MYT1L: variants seen among roughly 807,000 people sequenced by gnomAD.
MYT1L encodes the protein myelin transcription factor 1 like.
A neutral mutation model predicts 126.7 loss-of-function variants in MYT1L; 12 were observed. That is an observed-to-expected ratio of 0.09 (90% CI 0.06 to 0.15). The LOEUF (loss-of-function observed/expected upper bound fraction) is 0.15, where lower values mean the gene tolerates loss of function less well. Among genes scored for constraint, MYT1L ranks in the 10% least tolerant of loss-of-function variants. The pLI is 1.00. For missense variants in MYT1L, 979 were observed against 1,585.2 expected (o/e 0.62, Z 6.49); for synonymous variants, 541 against 604.2 (o/e 0.90, Z 1.53).
chr2:2,156,741 C>T (rs552334467), intron 3 of MYT1L, among the ~76,000 whole-genome samples: 15 of 152,240 alleles, frequency 9.9e-5, no homozygotes, highest in Admixed American at 3.9e-4. Flanking sequence ...CAATGGCCTC[C>T]GGGGCCCCAG....
At chr2:2,305,434 T>G (rs1227266376) in intron 1 of MYT1L, among the ~76,000 whole-genome samples, 1 of 152,216 alleles carries the variant, frequency 6.6e-6, no homozygotes, top group African/African-American at 2.4e-5. Flanking sequence ...TAACTTGTAT[T>G]AAATACTAAA....
chr2:2,074,978 A>T (rs1335189261), intron 3 of MYT1L, among the ~76,000 whole-genome samples: 1 of 152,214 alleles, frequency 6.6e-6, no homozygotes, highest in African/African-American at 2.4e-5. Context: ...TAGACGAATC[A>T]CAACCTTACA....
At chr2:1,978,316 T>A (rs992312080) in intron 8 of MYT1L, among the ~76,000 whole-genome samples, 7 of 152,228 alleles carry the variant, frequency 4.6e-5, no homozygotes, top group African/African-American at 1.7e-4. Context: ...TGGAATGACC[T>A]TGGTCTTTGC....
intron 14 of MYT1L, among the ~76,000 whole-genome samples, chr2:1,897,931 C>T (rs917221272): frequency 1.3e-5 from 2 of 152,164 alleles, no homozygotes; most frequent in Non-Finnish European, 2.9e-5. Context: ...CTTAAACCAT[C>T]CTAAAAATAC....
intron 21 of MYT1L, among the ~76,000 whole-genome samples, chr2:1,815,119 G>A (rs991230764): frequency 2.6e-5 from 4 of 152,190 alleles, no homozygotes; most frequent in African/African-American, 9.6e-5. Context: ...CAGATGTCAG[G>A]ATAGCCAGGC....
intron 3 of MYT1L, among the ~76,000 whole-genome samples, chr2:2,143,745 A>T (rs928593438): frequency 1.3e-5 from 2 of 152,124 alleles, no homozygotes; most frequent in African/African-American, 4.8e-5. Context: ...ACTTGGTCTG[A>T]TTTAAAATGC....
intron 4 of MYT1L, among the ~76,000 whole-genome samples, chr2:2,004,209 G>C (rs68087472): frequency 1.0e-5 from 1 of 95,794 alleles, no homozygotes; most frequent in Non-Finnish European, 2.0e-5. Flanking sequence ...TTTCCTGAAT[G>C]TGTTCTTTCC....
intron 3 of MYT1L, among the ~76,000 whole-genome samples, chr2:2,083,263 C>G (rs916757484): frequency 2.0e-5 from 3 of 152,238 alleles, no homozygotes; most frequent in Non-Finnish European, 2.9e-5. Context: ...GCAAATCCCC[C>G]ACTCAGCTCT....
At chr2:2,222,374 C>A (rs1308204493) in intron 2 of MYT1L, among the ~76,000 whole-genome samples, 2 of 148,036 alleles carry the variant, frequency 1.4e-5, no homozygotes, top group Non-Finnish European at 3.0e-5. Context: ...CACCCGTGAT[C>A]CCAGCTACTT....
intron 10 of MYT1L, among the ~76,000 whole-genome samples, chr2:1,920,370 A>C: frequency 6.6e-6 from 1 of 152,236 alleles, no homozygotes; most frequent in Non-Finnish European, 1.5e-5. Flanking sequence ...AAAGGGACCA[A>C]GAAACCAAAG....
chr2:2,121,356 T>C (rs1001041503), intron 3 of MYT1L, among the ~76,000 whole-genome samples: 2 of 151,946 alleles, frequency 1.3e-5, no homozygotes, highest in Non-Finnish European at 2.9e-5. Context: ...TTTGTATTTT[T>C]AGTAGAGACG....
At chr2:2,154,771 CCT>C (rs1336705610) in intron 3 of MYT1L, among the ~76,000 whole-genome samples, 4 of 152,112 alleles carry the variant, frequency 2.6e-5, no homozygotes, top group Non-Finnish European at 5.9e-5. Context: ...ACAACAAACC[CCT>C]GTGACACGAG....
intron 3 of MYT1L, among the ~76,000 whole-genome samples, chr2:2,087,710 C>T (rs535156727): frequency 6.6e-5 from 10 of 152,264 alleles, no homozygotes; most frequent in Non-Finnish European, 1.5e-4. Context: ...TCCTATTATC[C>T]AAACACGACT....
intron 3 of MYT1L, among the ~76,000 whole-genome samples, chr2:2,095,493 G>A (rs1445149961): frequency 6.6e-6 from 1 of 152,148 alleles, no homozygotes; most frequent in Non-Finnish European, 1.5e-5. Flanking sequence ...TTGGGTTGGA[G>A]ACACCCCAGA....
intron 4 of MYT1L, among the ~76,000 whole-genome samples, chr2:2,032,228 C>G (rs1392688448): frequency 3.1e-5 from 3 of 97,556 alleles, no homozygotes; most frequent in African/African-American, 1.4e-4. Flanking sequence ...TACACACACC[C>G]TCGCCAGTGC....
chr2:2,182,599 G>C (rs1338246238), intron 2 of MYT1L, among the ~76,000 whole-genome samples: 2 of 152,170 alleles, frequency 1.3e-5, no homozygotes, highest in Non-Finnish European at 2.9e-5. Flanking sequence ...GATTTAGGGA[G>C]GGCTGGAGGC....
intron 3 of MYT1L, among the ~76,000 whole-genome samples, chr2:2,111,229 C>T (rs2079412228): frequency 6.6e-6 from 1 of 152,212 alleles, no homozygotes; most frequent in South Asian, 2.1e-4. Context: ...ACACCTCAAG[C>T]CCTACCACTC....
rs1488854393 is a variant in MYT1L at position 1,858,559 on chromosome 2, G to A, written c.2712-6856C>T. On this transcript the variant is annotated intron_variant, in intron 18 of 24. Coordinates refer to ENST00000647738, the MANE Select transcript of MYT1L (RefSeq NM_001303052.2). ...ATGCATGAGAGGATGTGTGCAGCTGGTAGCAGGGACAGGAGCCCCCTTGGA... is the reference window on the plus strand; with the variant it reads ...ATGCATGAGAGGATGTGTGCAGCTGATAGCAGGGACAGGAGCCCCCTTGGA... 2.0e-5 allele frequency among the ~76,000 whole-genome samples: 3 copies of A among 152,330 alleles called. No homozygotes were observed. The South Asian group carries it at 6.2e-4, about 32-fold the overall frequency.
intron 3 of MYT1L, among the ~76,000 whole-genome samples, chr2:2,115,324 T>A (rs889533431): frequency 3.3e-5 from 5 of 152,182 alleles, no homozygotes; most frequent in African/African-American, 1.2e-4. Flanking sequence ...CAGCACCTAA[T>A]ACAGAGAGCA....
Sources: gnomAD v4.1 joint callset for allele counts (sites outside exome capture counted in the v4.1 genomes callset) on GRCh38, gnomAD v4.1.1 for gene constraint, MANE v1.5 for transcripts, NCBI Gene and HGNC (gene_info 2026-07-23, HGNC 2026-07-21) for gene names.